The following NEGR1 variants were observed in gnomAD, a reference collection of about 807,000 sequenced individuals.
NEGR1 encodes neuronal growth regulator 1.
In NEGR1, 10 loss-of-function variants were observed where a neutral mutation model predicts 40.9. The ratio of observed to expected loss-of-function variants is 0.24; its 90% CI spans 0.15 to 0.42. The LOEUF (loss-of-function observed/expected upper bound fraction) is 0.42, where lower values mean the gene tolerates loss of function less well. Ranked by LOEUF, NEGR1 falls within the 10% of genes least tolerant of loss-of-function variation. The pLI, the probability that NEGR1 is intolerant of heterozygous loss-of-function variation, is 1.00. For missense variants in NEGR1, 352 were observed against 438.9 expected, an observed-to-expected ratio of 0.80 and a Z score of 1.77; for synonymous variants, 185 against 166.8, an observed-to-expected ratio of 1.11 and a Z score of -0.84.
intron 1 of NEGR1, among the ~76,000 whole-genome samples, chr1:72,038,367 G>A (rs577001842): frequency 2.6e-5 from 4 of 152,030 alleles, no homozygotes; most frequent in East Asian, 3.9e-4. Flanking sequence ...GATTGGGGCT[G>A]GATATATTCT....
chr1:71,776,023 A>G (rs935221247), intron 3 of NEGR1, 149 bp downstream of exon 3: 1 of 237,024 alleles, frequency 4.2e-6, no homozygotes, highest in African/African-American at 2.3e-5. Flanking sequence ...ATAAATAAAT[A>G]AATAAATAAA....
At position 71,434,233 on chromosome 1, in the gene NEGR1, A is replaced by G. The variant is rs888066663; in HGVS notation, c.941-26663T>C. On this transcript the variant is annotated intron_variant, in intron 6 of 6. Coordinates refer to ENST00000357731, the MANE Select transcript of NEGR1 (RefSeq NM_173808.3). ...ATGAATGCATATAATATATGAAGAT[A>G]CTAGTCTATTTTGTCATTTACTACT... 3.9e-5 allele frequency among the ~76,000 whole-genome samples: 6 copies of G among 152,244 alleles called. 1 individual carries two copies. Among genetic ancestry groups the G allele is most frequent in the Non-Finnish European group, 1.5e-5 (1 of 68,048 alleles).
intron 1 of NEGR1, among the ~76,000 whole-genome samples, chr1:72,129,338 T>C (rs1025144528): frequency 2.6e-5 from 4 of 152,208 alleles, no homozygotes; most frequent in Non-Finnish European, 5.9e-5. Context: ...AAAACGTATT[T>C]ACTTTTCTAT....
At chr1:71,701,118 A>G (rs1381928375) in intron 3 of NEGR1, among the ~76,000 whole-genome samples, 2 of 152,030 alleles carry the variant, frequency 1.3e-5, no homozygotes, top group Non-Finnish European at 2.9e-5. Context: ...CTTCTGACAT[A>G]CAGAATTGAA....
intron 4 of NEGR1, among the ~76,000 whole-genome samples, chr1:71,678,761 C>A (rs1652729299): frequency 6.6e-6 from 1 of 152,034 alleles, no homozygotes; most frequent in Admixed American, 6.6e-5. Flanking sequence ...TACTGGAAAG[C>A]AGAAAAAAGT....
At chr1:71,867,677 C>T (rs1049743069) in intron 2 of NEGR1, among the ~76,000 whole-genome samples, 2 of 151,874 alleles carry the variant, frequency 1.3e-5, no homozygotes, top group African/African-American at 2.4e-5. Context: ...AAAATTTGAC[C>T]AATATCAGAA....
At chr1:71,413,382 G>T (rs1646335944) in intron 6 of NEGR1, among the ~76,000 whole-genome samples, 1 of 152,106 alleles carries the variant, frequency 6.6e-6, no homozygotes, top group Non-Finnish European at 1.5e-5. Context: ...GAGATGCTTT[G>T]CATGGAACAA....
At chr1:71,504,840 G>A (rs1647021971) in intron 6 of NEGR1, among the ~76,000 whole-genome samples, 1 of 152,122 alleles carries the variant, frequency 6.6e-6, no homozygotes, top group African/African-American at 2.4e-5. Context: ...TGTTCCTGAA[G>A]CGGGAACTAA....
At chr1:71,610,965 TG>T (rs1436490693) in intron 5 of NEGR1, 60 bp downstream of exon 5, 5 of 1,555,532 alleles carry the variant, frequency 3.2e-6, no homozygotes, top group Middle Eastern at 1.7e-4. Flanking sequence ...AGTAAGTATC[TG>T]AAACACAAGC....
rs190642912 is a variant in NEGR1, at chr1:71,718,099, G to T, written c.536-19960C>A. The stretch of plus-strand genomic sequence containing the variant: ...TACAAATGTCATATGAAAAAATTTT[G>T]TAAAGGCGAATCATGGCTGTTAAGA... On this transcript the variant is annotated intron_variant, in intron 3 of 6. Coordinates refer to ENST00000357731, the MANE Select transcript of NEGR1 (RefSeq NM_173808.3). Among the ~76,000 whole-genome samples, 25 of 152,286 alleles carry T rather than the reference G, an allele frequency of 1.6e-4. 1 individual carries two copies. The East Asian group carries it at 4.8e-3, about 29-fold the overall frequency.
intron 4 of NEGR1, among the ~76,000 whole-genome samples, chr1:71,647,278 A>C (rs9943152): frequency 0.037 from 5,568 of 151,882 alleles, 133 homozygotes; most frequent in African/African-American, 0.072. Flanking sequence ...TTTCTAAATG[A>C]TCACAGAAAG....
chr1:71,806,206 G>A (rs760087345), intron 2 of NEGR1, among the ~76,000 whole-genome samples: 3 of 151,830 alleles, frequency 2.0e-5, no homozygotes, highest in Non-Finnish European at 4.4e-5. Context: ...TGGCCAAGAA[G>A]ATATATTAAA....
At chr1:71,856,994 G>T (rs1020448215) in intron 2 of NEGR1, among the ~76,000 whole-genome samples, 2 of 151,910 alleles carry the variant, frequency 1.3e-5, no homozygotes, top group African/African-American at 2.4e-5. Context: ...GTATTTGCAG[G>T]CCCTTTCAGC....
chr1:71,740,268 T>C (rs972642039), intron 3 of NEGR1, among the ~76,000 whole-genome samples: 3 of 152,198 alleles, frequency 2.0e-5, no homozygotes, highest in East Asian at 1.9e-4. Context: ...AGAATACAGA[T>C]AGTTCTCAGT....
intron 1 of NEGR1, among the ~76,000 whole-genome samples, chr1:71,979,368 G>T (rs1372613268): frequency 6.6e-6 from 1 of 152,004 alleles, no homozygotes; most frequent in Admixed American, 6.6e-5. Flanking sequence ...ATGAAAGTTA[G>T]AAATAAAAAT....
chr1:72,208,111 T>C (rs531650850), intron 1 of NEGR1, among the ~76,000 whole-genome samples: 13 of 151,792 alleles, frequency 8.6e-5, no homozygotes, highest in African/African-American at 3.1e-4. Flanking sequence ...TCTGGGCATA[T>C]AGTACACATT....
chr1:71,418,889 T>C (rs1020175489), intron 6 of NEGR1, among the ~76,000 whole-genome samples: 6 of 152,224 alleles, frequency 3.9e-5, no homozygotes, highest in African/African-American at 1.2e-4. Context: ...GCTTAATAAA[T>C]AATTACTCTT....
At chr1:71,544,778 A>G (rs939232414) in intron 6 of NEGR1, among the ~76,000 whole-genome samples, 2 of 151,646 alleles carry the variant, frequency 1.3e-5, no homozygotes, top group Admixed American at 1.3e-4. Context: ...AATAGTTTAT[A>G]ATTCCACTGA....
At chr1:71,976,827 G>T (rs116382147) in intron 1 of NEGR1, among the ~76,000 whole-genome samples, 3,460 of 152,168 alleles carry the variant, frequency 0.023, 119 homozygotes, top group African/African-American at 0.079. Context: ...GAAAAAAACA[G>T]TGTATTTTTA....
Sources: allele counts gnomAD v4.1 joint callset (sites outside exome capture counted in the v4.1 genomes callset), GRCh38; gene constraint gnomAD v4.1.1; transcripts MANE v1.5; gene names NCBI Gene and HGNC (gene_info 2026-07-23, HGNC 2026-07-21).